The following DNAH11 variants were observed in gnomAD, a reference collection of about 807,000 sequenced individuals.
DNAH11 encodes axonemal beta dynein heavy chain 11.
In DNAH11, 442 loss-of-function variants were observed where a neutral mutation model predicts 526.0. The observed-to-expected ratio is 0.84, with a 90% confidence interval of 0.78 to 0.91. DNAH11 has a LOEUF of 0.91. Ranked by LOEUF, DNAH11 falls within the 40% of genes least tolerant of loss-of-function variation. The pLI, the probability that DNAH11 is intolerant of heterozygous loss-of-function variation, is 0.00. For missense variants in DNAH11, 6,989 were observed against 5,448.7 expected (o/e 1.28, Z -8.90); for synonymous variants, 2,461 against 1,935.9 (o/e 1.27, Z -7.12).
At chr7:21,565,034 A>G (rs79617108) in intron 6 of DNAH11, among the ~76,000 whole-genome samples, 1,694 of 152,348 alleles carry the variant, frequency 0.011, 30 homozygotes, top group African/African-American at 0.039. Context: ...TGGATGCTAC[A>G]TAATCCAGTG....
Position 21,572,033 on chromosome 7 carries a change from G to A in DNAH11, c.1593+60G>A, listed in dbSNP as rs1783913403. 2.9e-6 allele frequency: 4 copies of A among 1,367,062 alleles called. No homozygotes were observed. In the East Asian group the frequency reaches 7.7e-5, roughly 26 times the overall value. 84.7% of individuals were successfully genotyped at this position (1,367,062 alleles called of 1,614,324 possible). On this transcript the variant is annotated intron_variant, in intron 8 of 81. Transcript: ENST00000409508. ...ATCCTATAATTTTATAGCTGAAAAG[G>A]AAGATAGGTCACAGTGATAATAGGG... is the stretch of plus-strand genomic sequence containing the variant.
rs12666308 is a variant in DNAH11 at position 21,820,041 on chromosome 7, A to G, written c.10691+1702A>G. ...CTCCTAAACCCTTATGTGTGGGAAC[A>G]ACCACTTGTTTGAGGGTGAATCTCA... On this transcript the variant is annotated intron_variant, in intron 65 of 81. Coordinates refer to ENST00000409508, the MANE Select transcript of DNAH11 (RefSeq NM_001277115.2). Among the ~76,000 whole-genome samples the G allele has an allele frequency of 3.8e-3, 581 of 152,276 alleles. 21 individuals carry two copies. In the East Asian group the frequency reaches 0.083, roughly 22 times the overall value.
Position 21,864,486 on chromosome 7 carries a change from G to A in DNAH11, c.11374-49G>A, listed in dbSNP as rs756102058. The A allele has an allele frequency of 6.3e-6, 10 of 1,584,208 alleles. No homozygotes were observed. The African/African-American group carries it at 6.7e-5, about 11-fold the overall frequency. On this transcript the variant is annotated intron_variant, in intron 69 of 81. Coordinates refer to ENST00000409508, the MANE Select transcript of DNAH11 (RefSeq NM_001277115.2). ...AATGTGTGACTACTTCCTGTGTGAC[G>A]ATTTTCATGTAAACCTAATAATCCT...
In DNAH11 at chr7:21,818,278, G is replaced by T. The variant is rs763024182; in HGVS notation, c.10630G>T (p.Glu3544Ter). ...TGATGTCATCTTAATTGAAAATCTC[G>T]AGGAAACGATAGATCCAGTCCTGGA... The part of the protein sequence containing the change: ...FGDVILIENL[E>*]ETIDPVLDPL... The change falls in exon 65 of 82, where the codon GAG becomes TAG. Residue 3544 changes from glutamate to a stop codon, truncating the protein, a stop_gained. Transcript: ENST00000409508. LOFTEE classifies it high-confidence loss of function. The T allele has an allele frequency of 6.2e-7, 1 of 1,611,916 alleles. No homozygotes were observed.
chr7:21,643,860 A>G (rs774608737), intron 28 of DNAH11, among the ~76,000 whole-genome samples: 4 of 152,186 alleles, frequency 2.6e-5, no homozygotes, highest in Non-Finnish European at 5.9e-5. Flanking sequence ...TTGAATGATA[A>G]TATTTTGGGA....
chr7:21,827,221 C>A (rs910348135), intron 65 of DNAH11, among the ~76,000 whole-genome samples: 2 of 152,146 alleles, frequency 1.3e-5, no homozygotes, highest in African/African-American at 2.4e-5. Flanking sequence ...ATAATTAAAT[C>A]CACCAAGCTC....
At chr7:21,835,485 T>A (rs1173703029) in intron 65 of DNAH11, among the ~76,000 whole-genome samples, 1 of 152,030 alleles carries the variant, frequency 6.6e-6, no homozygotes, top group Non-Finnish European at 1.5e-5. Context: ...ATGTGATACA[T>A]CACATTAACA....
At chr7:21,729,831 T>G (rs1447523274) in intron 45 of DNAH11, among the ~76,000 whole-genome samples, 5 of 152,218 alleles carry the variant, frequency 3.3e-5, no homozygotes, top group African/African-American at 4.8e-5. Context: ...TTCTATCCTT[T>G]TGTCTTACCC....
At position 21,773,779 on chromosome 7, in the gene DNAH11, A is replaced by T. The variant is rs753904871; in HGVS notation, c.9116A>T (p.Asp3039Val). 3 of 1,582,906 alleles carry T rather than the reference A, an allele frequency of 1.9e-6. No homozygotes were observed. The highest frequency in any genetic ancestry group is 2.6e-6 in the Non-Finnish European group (3 of 1,165,302). The change falls in exon 56 of 82, where the codon GAC (aspartate) becomes GTC (valine). Residue 3039 changes from aspartate to valine, a missense_variant. Transcript: ENST00000409508. The stretch of plus-strand genomic sequence containing the variant: ...TTGTGTTTTCAGCCAGTGCACAAAG[A>T]CTCTATTAGCCTTTTCATGGCACAT... ...ETKGIEPVHK[D>V]SISLFMAHVH...
intron 67 of DNAH11, among the ~76,000 whole-genome samples, chr7:21,853,316 A>G (rs1331710380): frequency 6.6e-6 from 1 of 152,208 alleles, no homozygotes; most frequent in Admixed American, 6.5e-5. Context: ...TAAGTAATCT[A>G]TTAATTACCC....
intron 34 of DNAH11, among the ~76,000 whole-genome samples, chr7:21,688,980 C>T (rs1436301974): frequency 6.6e-6 from 1 of 152,124 alleles, no homozygotes; most frequent in Admixed American, 6.5e-5. Context: ...TTTTCAATGT[C>T]CCAAGGATTA....
At chr7:21,582,153 C>G in intron 9 of DNAH11, 132 bp downstream of exon 9, 2 of 597,898 alleles carry the variant, frequency 3.3e-6, no homozygotes, top group Non-Finnish European at 2.9e-6. Flanking sequence ...AAATTCAGCT[C>G]ACTGAATAAT....
In DNAH11 at chr7:21,884,376, G is replaced by C. The variant is rs182165265; in HGVS notation, c.12473G>C (p.Arg4158Pro). The change falls in exon 76 of 82, where the codon CGG becomes CCG. Residue 4158 changes from arginine (R) to proline (P), a missense_variant. Arg to Pro is a moderately radical substitution (Grantham distance 103). Transcript: ENST00000409508. ...GATGACTGGGATCGCAAACTGTGTC[G>C]GGTGTATTTAGAAGAATTCATGAAT... Reference protein sequence around the residue: ...ITDDWDRKLCRVYLEEFMNPS... With the variant: ...ITDDWDRKLCPVYLEEFMNPS... The C allele has an allele frequency of 9.3e-6, 15 of 1,612,774 alleles. No homozygotes were observed. The highest frequency in any genetic ancestry group is 1.3e-5 in the African/African-American group (1 of 74,866).
chr7:21,857,977 A>C (rs1194371442), intron 68 of DNAH11, among the ~76,000 whole-genome samples: 1 of 152,140 alleles, frequency 6.6e-6, no homozygotes. Flanking sequence ...TATGAAGATG[A>C]AAAGGTAGGC....
intron 35 of DNAH11, 115 bp downstream of exon 35, chr7:21,690,996 T>G: frequency 1.4e-6 from 1 of 731,652 alleles, no homozygotes; most frequent in Non-Finnish European, 2.3e-6. Context: ...AAATCCTATA[T>G]GATTTCCTTG....
chr7:21,818,328 TA>T lies in DNAH11; in HGVS notation c.10686del (p.Gly3563GlufsTer50). ...LDPLLGRNTI[K>X]KGKYIRIGDK... ...ATCCACTACTTGGCAGGAACACAATTAAAAAAGGAAAGTAAGTATTCTTGAA... is the reference window on the plus strand; with the variant it reads ...ATCCACTACTTGGCAGGAACACAATTAAAAAGGAAAGTAAGTATTCTTGAA... On this transcript the variant is annotated frameshift_variant, in exon 65 of 82. Transcript: ENST00000409508. LOFTEE classifies it high-confidence loss of function. 1 of 1,604,090 alleles carries T rather than the reference TA, an allele frequency of 6.2e-7. No individual in the cohort carries two copies. The highest frequency in any genetic ancestry group is 1.7e-5 in the Admixed American group (1 of 57,478).
At chr7:21,762,102 G>T (rs1786946488) in intron 54 of DNAH11, among the ~76,000 whole-genome samples, 1 of 152,038 alleles carries the variant, frequency 6.6e-6, no homozygotes. Flanking sequence ...GAACAGCATG[G>T]GGGAAACCAC....
chr7:21,743,191 C>T lies in DNAH11; in HGVS notation c.8154+1025C>T, dbSNP rs1400452611. Among the ~76,000 whole-genome samples the T allele has an allele frequency of 3.3e-5, 5 of 152,184 alleles. No individual in the cohort carries two copies. The East Asian group carries it at 9.6e-4, about 29-fold the overall frequency. The stretch of plus-strand genomic sequence containing the variant: ...GTGGAAGCAAAGGTAGATGTCTGGG[C>T]TCTTTAGATTGAGTGAGTGAGTGCT... On this transcript the variant is annotated intron_variant, in intron 49 of 81. Coordinates refer to ENST00000409508, the MANE Select transcript of DNAH11 (RefSeq NM_001277115.2).
chr7:21,703,763 C>A (rs6978653), intron 37 of DNAH11: 57,306 of 151,826 alleles, frequency 0.38, 15,939 homozygotes, highest in African/African-American at 0.74. Context: ...ACAACAACAA[C>A]AAAAAACCCA....
Sources: gnomAD v4.1 joint callset for allele counts (sites outside exome capture counted in the v4.1 genomes callset) on GRCh38, gnomAD v4.1.1 for gene constraint, MANE v1.5 for transcripts, NCBI Gene and HGNC (gene_info 2026-07-23, HGNC 2026-07-21) for gene names.